Variants in DTNBP1 observed in about 807,000 individuals in gnomAD.
The protein encoded by DTNBP1 is dysbindin.
In DTNBP1, 35 loss-of-function variants were observed where a neutral mutation model predicts 42.8. The ratio of observed to expected loss-of-function variants is 0.82; its 90% CI spans 0.63 to 1.09. The LOEUF (loss-of-function observed/expected upper bound fraction) is 1.09. DTNBP1 is among the 50% of genes least tolerant of loss of function. DTNBP1 has a pLI of 0.00. For synonymous variants in DTNBP1, 171 were observed against 162.2 expected, an observed-to-expected ratio of 1.05 and a Z score of -0.41; for missense variants, 457 against 424.2, an observed-to-expected ratio of 1.08 and a Z score of -0.68.
chr6:15,594,592 GC>G (rs1352925947), intron 6 of DTNBP1, among the ~76,000 whole-genome samples: 2 of 151,898 alleles, frequency 1.3e-5, no homozygotes, highest in Non-Finnish European at 2.9e-5. Context: ...CCTAAAACCT[GC>G]TTTATACCCC....
At chr6:15,617,599 A>G (rs1458702378) in intron 5 of DTNBP1, among the ~76,000 whole-genome samples, 5 of 152,144 alleles carry the variant, frequency 3.3e-5, no homozygotes, top group Non-Finnish European at 1.5e-5. Flanking sequence ...GTTTTTGACA[A>G]AGGCACCGAG....
At chr6:15,524,448 G>C in intron 9 of DTNBP1, 78 bp downstream of exon 9, 1 of 1,614,060 alleles carries the variant, frequency 6.2e-7, no homozygotes, top group Non-Finnish European at 8.5e-7. Context: ...ACTGGCAGAT[G>C]GTTCTCACGT....
chr6:15,653,040 T>C (rs1173104560), intron 1 of DTNBP1, among the ~76,000 whole-genome samples: 1 of 152,298 alleles, frequency 6.6e-6, no homozygotes, highest in East Asian at 1.9e-4. Flanking sequence ...ATGTTCCACA[T>C]AGGAGAAATC....
chr6:15,590,175 C>T (rs1165013553), intron 7 of DTNBP1, among the ~76,000 whole-genome samples: 6 of 152,182 alleles, frequency 3.9e-5, no homozygotes, highest in African/African-American at 1.2e-4. Context: ...CTCAAGTGAT[C>T]CGCTTGCCTC....
At chr6:15,589,490 T>C (rs920876190) in intron 7 of DTNBP1, among the ~76,000 whole-genome samples, 1 of 152,220 alleles carries the variant, frequency 6.6e-6, no homozygotes, top group Non-Finnish European at 1.5e-5. Context: ...TCAATCATAG[T>C]CTCACTAGCA....
intron 6 of DTNBP1, among the ~76,000 whole-genome samples, chr6:15,612,898 T>G (rs1480529560): frequency 6.6e-6 from 1 of 152,202 alleles, no homozygotes; most frequent in African/African-American, 2.4e-5. Context: ...CAATGAAGAC[T>G]AGCCTGACCA....
intron 7 of DTNBP1, among the ~76,000 whole-genome samples, chr6:15,568,553 G>A (rs569104297): frequency 8.6e-5 from 13 of 151,978 alleles, no homozygotes; most frequent in Non-Finnish European, 1.5e-4. Context: ...ATTTATACAC[G>A]AATTTTTTTT....
At chr6:15,550,438 T>C (rs1316794428) in intron 7 of DTNBP1, among the ~76,000 whole-genome samples, 3 of 152,216 alleles carry the variant, frequency 2.0e-5, no homozygotes, top group African/African-American at 7.2e-5. Flanking sequence ...AAATACTGCA[T>C]ATACTTGCAA....
chr6:15,613,720 A>C (rs1267541054), intron 6 of DTNBP1, among the ~76,000 whole-genome samples: 1 of 152,064 alleles, frequency 6.6e-6, no homozygotes, highest in African/African-American at 2.4e-5. Context: ...TGTGGGACAA[A>C]TGAAATGTAC....
At chr6:15,615,189 T>A in intron 6 of DTNBP1, 78 bp downstream of exon 6, 2 of 1,598,558 alleles carry the variant, frequency 1.3e-6, no homozygotes, top group South Asian at 1.1e-5. Context: ...CAGCCGGGAC[T>A]TCTAAAGAGT....
At chr6:15,653,832 C>T (rs1334031696) in intron 1 of DTNBP1, among the ~76,000 whole-genome samples, 1 of 152,250 alleles carries the variant, frequency 6.6e-6, no homozygotes, top group African/African-American at 2.4e-5. Context: ...ATAGCTGCTC[C>T]TTCCTCCAGA....
intron 8 of DTNBP1, among the ~76,000 whole-genome samples, chr6:15,528,146 C>T (rs1351048814): frequency 2.6e-5 from 4 of 152,184 alleles, no homozygotes; most frequent in Non-Finnish European, 4.4e-5. Flanking sequence ...CTTATACCAA[C>T]GGACAAGACC....
In DTNBP1 at chr6:15,524,593, G is replaced by C. The variant is rs548289048; in HGVS notation, c.744C>G (p.Asp248Glu). The change falls in exon 9 of 10, where the codon GAC becomes GAG. Residue 248 changes from aspartate to glutamate, a missense_variant. Transcript: ENST00000344537. Reference sequence around the variant, plus strand: ...TCAGGAAGACGTCCAGGGCCTCCTGGTCCGATATGTCCATCAGGTCCATCT... The same window carrying C: ...TCAGGAAGACGTCCAGGGCCTCCTGCTCCGATATGTCCATCAGGTCCATCT... ...LEQMDLMDIS[D>E]QEALDVFLNS... is the part of the protein sequence containing the mutation. 2 of 1,613,586 alleles carry C rather than the reference G, an allele frequency of 1.2e-6. No homozygotes were observed. Among genetic ancestry groups the C allele is most frequent in the Non-Finnish European group, 1.7e-6 (2 of 1,179,754 alleles).
chr6:15,631,344 C>T (rs1759683114), intron 4 of DTNBP1, among the ~76,000 whole-genome samples: 1 of 152,056 alleles, frequency 6.6e-6, no homozygotes, highest in African/African-American at 2.4e-5. Context: ...AATTTAAGAT[C>T]CTGAGGTAGC....
intron 6 of DTNBP1, among the ~76,000 whole-genome samples, chr6:15,610,897 G>T (rs1032797745): frequency 2.0e-5 from 3 of 152,266 alleles, no homozygotes; most frequent in African/African-American, 7.2e-5. Flanking sequence ...TAACAGCAAA[G>T]TGCAAGGTGA....
intron 5 of DTNBP1, among the ~76,000 whole-genome samples, chr6:15,619,329 C>T: frequency 6.6e-6 from 1 of 152,070 alleles, no homozygotes; most frequent in Non-Finnish European, 1.5e-5. Flanking sequence ...TATAAATATA[C>T]ACAATTATGT....
chr6:15,660,734 C>T lies in DTNBP1; in HGVS notation c.56+2080G>A, dbSNP rs142921096. On this transcript the variant is annotated intron_variant, in intron 1 of 9. Transcript: ENST00000344537. ...GTTTGTGCCCCAGCAGTCCAGAGCC[C>T]ACTCCAGAATCTACATTCCGGGGTA... 4.6e-3 allele frequency among the ~76,000 whole-genome samples: 707 copies of T among 152,246 alleles called. 6 individuals are homozygous for T. Among genetic ancestry groups the T allele is most frequent in the African/African-American group, 0.016 (651 of 41,542 alleles).
At chr6:15,602,354 C>T (rs1776763491) in intron 6 of DTNBP1, among the ~76,000 whole-genome samples, 1 of 152,146 alleles carries the variant, frequency 6.6e-6, no homozygotes, top group Admixed American at 6.5e-5. Flanking sequence ...TCTTGCTTAC[C>T]ACCGATGTCA....
At chr6:15,556,787 G>C (rs1006948270) in intron 7 of DTNBP1, among the ~76,000 whole-genome samples, 1 of 151,776 alleles carries the variant, frequency 6.6e-6, no homozygotes, top group African/African-American at 2.4e-5. Context: ...TCTCTCTCTT[G>C]CACCCTTTTT....
Sources: allele counts gnomAD v4.1 joint callset (sites outside exome capture counted in the v4.1 genomes callset), GRCh38; gene constraint gnomAD v4.1.1; transcripts MANE v1.5; gene names NCBI Gene and HGNC (gene_info 2026-07-23, HGNC 2026-07-21).